PACRG: variants seen among roughly 807,000 people sequenced by gnomAD.
PACRG encodes parkin coregulated gene protein.
PACRG carries 29 observed loss-of-function variants against 29.7 expected under a neutral mutation model. The ratio of observed to expected loss-of-function variants is 0.98; its 90% CI spans 0.73 to 1.33. The LOEUF is 1.33. Ranked by LOEUF, PACRG falls within the 40% of genes most tolerant of loss-of-function variation. The pLI is 0.00. For synonymous variants in PACRG, 116 were observed against 118.7 expected (o/e 0.98, Z 0.15); for missense variants, 279 against 316.2 (o/e 0.88, Z 0.89).
intron 1 of PACRG, among the ~76,000 whole-genome samples, chr6:162,797,374 C>A (rs952985830): frequency 1.3e-5 from 2 of 152,144 alleles, no homozygotes; most frequent in African/African-American, 4.8e-5. Context: ...CCTTGGCAAA[C>A]CTTTTCTTAT....
intron 4 of PACRG, among the ~76,000 whole-genome samples, chr6:163,196,964 TAGATAGAG>T (rs1562959109): frequency 2.1e-5 from 3 of 144,850 alleles, no homozygotes; most frequent in African/African-American, 8.2e-5. Flanking sequence ...GATAGATAGA[TAGATAGAG>T]GCGGACAGAC....
At chr6:163,107,097 G>A (rs560718783) in intron 4 of PACRG, among the ~76,000 whole-genome samples, 10 of 152,064 alleles carry the variant, frequency 6.6e-5, no homozygotes, top group African/African-American at 2.2e-4. Context: ...ACAGAGAGAG[G>A]GAGAGAAATA....
chr6:163,045,846 C>A (rs1456766941), intron 2 of PACRG, among the ~76,000 whole-genome samples: 1 of 151,666 alleles, frequency 6.6e-6, no homozygotes, highest in African/African-American at 2.4e-5. Context: ...GATCTCTTGA[C>A]CTCATGATCC....
At chr6:162,808,656 A>G (rs936169883) in intron 1 of PACRG, among the ~76,000 whole-genome samples, 2 of 152,144 alleles carry the variant, frequency 1.3e-5, no homozygotes, top group African/African-American at 2.4e-5. Context: ...ACTGCATTCA[A>G]TATCTTGGTT....
At chr6:162,813,445 A>C (rs1787055590) in intron 1 of PACRG, among the ~76,000 whole-genome samples, 1 of 152,062 alleles carries the variant, frequency 6.6e-6, no homozygotes, top group African/African-American at 2.4e-5. Flanking sequence ...GATTTAAAAG[A>C]TGTATTCATT....
At position 163,209,014 on chromosome 6, in the gene PACRG, G is replaced by A. The variant is rs541412012; in HGVS notation, c.614-105813G>A. On this transcript the variant is annotated intron_variant, in intron 4 of 4. Transcript: ENST00000366888. ...GATAGGCAAGCTGGATCTGTGAGCA[G>A]CTACAAATAGAAGCACAAGACAAAG... 3.3e-5 allele frequency among the ~76,000 whole-genome samples: 5 copies of A among 152,248 alleles called. No individual in the cohort carries two copies. The East Asian group carries it at 9.7e-4, about 29-fold the overall frequency.
chr6:162,816,127 T>C (rs1279062641), intron 2 of PACRG, among the ~76,000 whole-genome samples: 5 of 152,142 alleles, frequency 3.3e-5, no homozygotes, highest in African/African-American at 1.2e-4. Context: ...TTCTTTTTTA[T>C]GGATATATTA....
intron 2 of PACRG, among the ~76,000 whole-genome samples, chr6:162,887,714 G>C (rs193186962): frequency 2.6e-5 from 4 of 152,100 alleles, no homozygotes; most frequent in African/African-American, 9.6e-5. Context: ...TTTTGACCTC[G>C]CCCTGCCTCC....
intron 4 of PACRG, among the ~76,000 whole-genome samples, chr6:163,147,843 C>A (rs145810914): frequency 3.9e-5 from 6 of 152,158 alleles, no homozygotes; most frequent in Non-Finnish European, 8.8e-5. Flanking sequence ...GATGCTACCC[C>A]CTTAGCAATG....
At chr6:162,924,065 C>A (rs542886110) in intron 2 of PACRG, among the ~76,000 whole-genome samples, 1 of 151,798 alleles carries the variant, frequency 6.6e-6, no homozygotes. Flanking sequence ...CAATTTCTTC[C>A]GCCAGTATTT....
chr6:163,231,166 G>A (rs1186802918), intron 4 of PACRG, among the ~76,000 whole-genome samples: 1 of 152,216 alleles, frequency 6.6e-6, no homozygotes, highest in East Asian at 1.9e-4. Context: ...CCACGGGGGA[G>A]CCGTGGCTTG....
At chr6:162,893,741 C>T (rs996378390) in intron 2 of PACRG, among the ~76,000 whole-genome samples, 3 of 152,198 alleles carry the variant, frequency 2.0e-5, no homozygotes, top group South Asian at 2.1e-4. Flanking sequence ...ACAGAGCCGC[C>T]GTGCTTACCC....
At chr6:163,002,956 T>C (rs1253970196) in intron 2 of PACRG, among the ~76,000 whole-genome samples, 5 of 152,178 alleles carry the variant, frequency 3.3e-5, no homozygotes, top group African/African-American at 4.8e-5. Flanking sequence ...AGAATTTTCA[T>C]GTCCAAATTT....
chr6:162,884,199 CA>C (rs1437020053), intron 2 of PACRG, among the ~76,000 whole-genome samples: 6 of 152,166 alleles, frequency 3.9e-5, no homozygotes, highest in Non-Finnish European at 7.3e-5. Flanking sequence ...CTTGGCCTCC[CA>C]AAGTGCTGGG....
chr6:163,266,071 G>A (rs1004265411), intron 4 of PACRG, among the ~76,000 whole-genome samples: 1 of 152,156 alleles, frequency 6.6e-6, no homozygotes, highest in Non-Finnish European at 1.5e-5. Flanking sequence ...AATTGAATTA[G>A]TAGTTGTGTT....
intron 2 of PACRG, among the ~76,000 whole-genome samples, chr6:162,861,662 C>T (rs1791873109): frequency 1.3e-5 from 2 of 152,156 alleles, no homozygotes; most frequent in Non-Finnish European, 2.9e-5. Flanking sequence ...CACCACCCAC[C>T]TCTCATTATA....
chr6:163,162,745 C>T (rs1778610602), intron 4 of PACRG, among the ~76,000 whole-genome samples: 1 of 152,230 alleles, frequency 6.6e-6, no homozygotes, highest in African/African-American at 2.4e-5. Flanking sequence ...GGTAGGGCTG[C>T]AGCCAGGGTG....
At chr6:163,065,955 A>C (rs1445190634) in intron 3 of PACRG, among the ~76,000 whole-genome samples, 2 of 152,238 alleles carry the variant, frequency 1.3e-5, no homozygotes, top group Non-Finnish European at 2.9e-5. Flanking sequence ...AGAACACAAA[A>C]GAGTTAAAAG....
chr6:163,169,531 ATTG>A (rs759642751), intron 4 of PACRG, among the ~76,000 whole-genome samples: 49 of 152,166 alleles, frequency 3.2e-4, no homozygotes, highest in Non-Finnish European at 6.8e-4. Flanking sequence ...GGATGGGGGA[ATTG>A]TTGTTGCGGG....
Sources: allele counts gnomAD v4.1 joint callset (sites outside exome capture counted in the v4.1 genomes callset), GRCh38; gene constraint gnomAD v4.1.1; transcripts MANE v1.5; gene names NCBI Gene and HGNC (gene_info 2026-07-23, HGNC 2026-07-21).